CELF6: variants seen among roughly 807,000 people sequenced by gnomAD.
CELF6 encodes the protein CUGBP Elav-like family member 6.
In CELF6, 32 loss-of-function variants were observed where a neutral mutation model predicts 53.1. That is an observed-to-expected ratio of 0.60 (90% CI 0.46 to 0.81). The LOEUF (loss-of-function observed/expected upper bound fraction) is 0.81. Among genes scored for constraint, CELF6 ranks in the 30% least tolerant of loss-of-function variants. The pLI is 0.00. For synonymous variants in CELF6, 291 were observed against 288.8 expected (o/e 1.01, Z -0.08); for missense variants, 539 against 669.5 (o/e 0.81, Z 2.15).
rs772954799 is a variant in CELF6, at chr15:72,287,293, C to G, written c.1418G>C (p.Arg473Pro). ...GTAAGGCCGGTTGGCATCCTTGGGC[C>G]GCTTTAGCTGGACCTTGAGCCTCTT... ...GMKRLKVQLK[R>P]PKDANRPY Residue 473 changes from arginine to proline, a missense_variant, in exon 12 of 13, where the codon CGG becomes CCG. Physicochemically the swap from Arg to Pro is moderately radical, Grantham distance 103 (BLOSUM62 -2). Transcript: ENST00000287202. The G allele has an allele frequency of 3.1e-6, 5 of 1,614,142 alleles. No homozygotes were observed. In the South Asian group the frequency reaches 5.5e-5, roughly 18 times the overall value.
chr15:72,310,203 C>G (rs908203884), intron 2 of CELF6, among the ~76,000 whole-genome samples: 5 of 152,168 alleles, frequency 3.3e-5, no homozygotes, highest in East Asian at 1.9e-4. Context: ...TTATCAGAAC[C>G]TTCTTGAGGA....
At position 72,288,334 on chromosome 15, in the gene CELF6, C is replaced by G. The variant is rs541572819; in HGVS notation, c.1292G>C (p.Arg431Pro). The G allele has an allele frequency of 1.2e-6, 2 of 1,613,956 alleles. No individual in the cohort carries two copies. Among genetic ancestry groups the G allele is most frequent in the African/African-American group, 2.7e-5 (2 of 74,870 alleles). Residue 431 changes from arginine (R) to proline (P), a missense_variant, in exon 11 of 13, where the codon CGA becomes CCA. By Grantham distance (103) the Arg-to-Pro change is moderately radical. Transcript: ENST00000287202. The surrounding 1 kb of genome is among the most constrained non-coding windows in gnomAD (Gnocchi z 4.6). The stretch of plus-strand genomic sequence containing the variant: ...AAAACACTTGCTCTGGTTGGTGGCT[C>G]GATCCACAAAGACTTTAGCAGAGAC... ...AVVSAKVFVD[R>P]ATNQSKCFGF...
In CELF6 at chr15:72,288,474, G is replaced by C. The variant is rs201565193; in HGVS notation, c.1175-23C>G. ...GGCCTGGAGGAACAGTAGCAAGCTG[G>C]TTCAGGGGAAGGACCCTGAGTCCAG... On this transcript the variant is annotated intron_variant, in intron 10 of 12. Transcript: ENST00000287202. This position sits in a 1 kb window ranked among gnomAD's most constrained non-coding sequence, Gnocchi z 4.6. The C allele has an allele frequency of 2.5e-3, 4,078 of 1,614,150 alleles. 8 individuals are homozygous for C. The highest frequency in any genetic ancestry group is 3.3e-3 in the Non-Finnish European group (3,894 of 1,180,006).
At chr15:72,298,524 T>C (rs1376771784) in intron 3 of CELF6, among the ~76,000 whole-genome samples, 1 of 152,048 alleles carries the variant, frequency 6.6e-6, no homozygotes, top group African/African-American at 2.4e-5. Context: ...ATTGATTACC[T>C]AACCTATTTC....
chr15:72,312,090 G>T (rs1192018888), intron 2 of CELF6, among the ~76,000 whole-genome samples: 1 of 152,206 alleles, frequency 6.6e-6, no homozygotes, highest in African/African-American at 2.4e-5. Context: ...TATGCATCTC[G>T]TAAGTGGGGC....
intron 2 of CELF6, among the ~76,000 whole-genome samples, chr15:72,305,854 GTT>G (rs557602698): frequency 2.3e-4 from 30 of 128,516 alleles, no homozygotes; most frequent in Non-Finnish European, 2.5e-4. Flanking sequence ...GAGCTCATTT[GTT>G]TTTTTTTTTT....
chr15:72,294,868 C>A (rs1273008879), intron 3 of CELF6, among the ~76,000 whole-genome samples: 2 of 151,580 alleles, frequency 1.3e-5, no homozygotes, highest in South Asian at 4.2e-4. Flanking sequence ...GTCCCAGCTA[C>A]TCGCAAGGCT....
chr15:72,289,825 G>C lies in CELF6; in HGVS notation c.604-55C>G. On this transcript the variant is annotated intron_variant, in intron 5 of 12. Transcript: ENST00000287202. The surrounding 1 kb of genome is among the most constrained non-coding windows in gnomAD (Gnocchi z 7.6). ...CGGTCCTGACCCTGGCCCCGGCCCGGGGCCGAGCGCCTTTCCCATCAGGTC... is the reference window on the plus strand; with the variant it reads ...CGGTCCTGACCCTGGCCCCGGCCCGCGGCCGAGCGCCTTTCCCATCAGGTC... 4 of 1,470,094 alleles carry C rather than the reference G, an allele frequency of 2.7e-6. No individual in the cohort carries two copies. Among genetic ancestry groups the C allele is most frequent in the Non-Finnish European group, 3.6e-6 (4 of 1,114,010 alleles). 91.1% of individuals were successfully genotyped at this position (1,470,094 alleles called of 1,614,324 possible). A position where few individuals can be genotyped will look rare whatever the true frequency, so the allele number is the denominator to read the frequency against.
At chr15:72,292,762 T>G (rs1423133794) in intron 3 of CELF6, among the ~76,000 whole-genome samples, 1 of 152,266 alleles carries the variant, frequency 6.6e-6, no homozygotes, top group Non-Finnish European at 1.5e-5. Flanking sequence ...GCGCAGTGGC[T>G]CACGCCTATA....
chr15:72,316,042 C>A, intron 1 of CELF6, 115 bp from the exon 2 acceptor site: 1 of 663,256 alleles, frequency 1.5e-6, no homozygotes, highest in African/African-American at 1.8e-5. Flanking sequence ...AAGGACTCTG[C>A]TTTCTGAGAA....
chr15:72,318,272 T>C (rs760990630), intron 1 of CELF6, among the ~76,000 whole-genome samples: 4 of 152,190 alleles, frequency 2.6e-5, no homozygotes, highest in Admixed American at 2.0e-4. Flanking sequence ...AGCTCTTCTA[T>C]TGGCATTTTC....
At chr15:72,314,393 T>A (rs2088335198) in intron 2 of CELF6, among the ~76,000 whole-genome samples, 1 of 152,066 alleles carries the variant, frequency 6.6e-6, no homozygotes, top group Non-Finnish European at 1.5e-5. Context: ...CTTATTGAGA[T>A]CTTACTCTGT....
At chr15:72,318,202 C>T (rs2140309530) in intron 1 of CELF6, among the ~76,000 whole-genome samples, 1 of 152,256 alleles carries the variant, frequency 6.6e-6, no homozygotes, top group Non-Finnish European at 1.5e-5. Flanking sequence ...TCCTTTCATA[C>T]ACCCATTAAC....
At chr15:72,311,814 C>T (rs573967314) in intron 2 of CELF6, among the ~76,000 whole-genome samples, 10 of 152,228 alleles carry the variant, frequency 6.6e-5, no homozygotes, top group Non-Finnish European at 1.5e-4. Context: ...CACTCCCCAA[C>T]CCTGGGATGA....
intron 2 of CELF6, among the ~76,000 whole-genome samples, chr15:72,308,702 T>G (rs768623494): frequency 6.6e-6 from 1 of 152,066 alleles, no homozygotes; most frequent in African/African-American, 2.4e-5. Flanking sequence ...TTTTAAACAT[T>G]TTTATTTATT....
At chr15:72,305,364 G>T (rs2959931) in intron 2 of CELF6, among the ~76,000 whole-genome samples, 4,852 of 152,116 alleles carry the variant, frequency 0.032, 158 homozygotes, top group African/African-American at 0.076. Flanking sequence ...GTGCCACCAG[G>T]CCCGGCTGAT....
At chr15:72,305,353 C>T (rs568557592) in intron 2 of CELF6, among the ~76,000 whole-genome samples, 6 of 152,234 alleles carry the variant, frequency 3.9e-5, no homozygotes, top group Middle Eastern at 6.8e-3. Flanking sequence ...ATTACAGGCA[C>T]GTGCCACCAG....
chr15:72,291,597 C>T (rs911680815), intron 3 of CELF6, among the ~76,000 whole-genome samples: 3 of 152,052 alleles, frequency 2.0e-5, no homozygotes, highest in Admixed American at 6.6e-5. Flanking sequence ...TGGGTGACAG[C>T]GAAGGAAGAA....
chr15:72,288,517 G>T lies in CELF6; in HGVS notation c.1174+21C>A. The T allele has an allele frequency of 6.2e-7, 1 of 1,612,224 alleles. No individual in the cohort carries two copies. On this transcript the variant is annotated intron_variant, in intron 10 of 12. Transcript: ENST00000287202. The surrounding 1 kb of genome is among the most constrained non-coding windows in gnomAD (Gnocchi z 4.6). Reference sequence around the variant, plus strand: ...GAGTCCAGCCCCACCAGGTTCTGCTGTCCAGCCCCCAGTCCCTCACCTTCT... The same window carrying T: ...GAGTCCAGCCCCACCAGGTTCTGCTTTCCAGCCCCCAGTCCCTCACCTTCT...
Sources: gnomAD v4.1 joint callset for allele counts (sites outside exome capture counted in the v4.1 genomes callset) on GRCh38, gnomAD v4.1.1 for gene constraint, Gnocchi (gnomAD v3.1) non-coding constraint, MANE v1.5 for transcripts, NCBI Gene and HGNC (gene_info 2026-07-23, HGNC 2026-07-21) for gene names.